PPM1L: variants seen among roughly 807,000 people sequenced by gnomAD.
The protein encoded by PPM1L is protein phosphatase 1L.
PPM1L carries 13 observed loss-of-function variants against 31.4 expected under a neutral mutation model. That is an observed-to-expected ratio of 0.41 (90% CI 0.27 to 0.66). PPM1L has a LOEUF of 0.66. PPM1L is among the 30% of genes least tolerant of loss of function. PPM1L has a pLI of 0.29. For missense variants in PPM1L, 326 were observed against 453.7 expected (o/e 0.72, Z 2.56); for synonymous variants, 184 against 175.4 (o/e 1.05, Z -0.39).
intron 2 of PPM1L, among the ~76,000 whole-genome samples, chr3:160,965,599 A>G (rs1448917678): frequency 6.6e-6 from 1 of 152,156 alleles, no homozygotes; most frequent in Non-Finnish European, 1.5e-5. Context: ...GGTGTATTAA[A>G]TGAATTTTCA....
intron 2 of PPM1L, among the ~76,000 whole-genome samples, chr3:160,997,385 CAAA>C (rs1717356460): frequency 2.0e-5 from 3 of 152,068 alleles, no homozygotes; most frequent in Non-Finnish European, 4.4e-5. Flanking sequence ...AAGATATCCC[CAAA>C]TATGATATCT....
intron 1 of PPM1L, among the ~76,000 whole-genome samples, chr3:160,825,262 A>T (rs1022027455): frequency 1.3e-5 from 2 of 152,174 alleles, no homozygotes; most frequent in Non-Finnish European, 2.9e-5. Context: ...CCTAAAATAG[A>T]ACCGTAAGGT....
At chr3:160,985,720 A>T (rs1280849691) in intron 2 of PPM1L, among the ~76,000 whole-genome samples, 1 of 147,462 alleles carries the variant, frequency 6.8e-6, no homozygotes, top group East Asian at 2.1e-4. Flanking sequence ...TTGAATAAAT[A>T]TCATCATGTA....
intron 1 of PPM1L, among the ~76,000 whole-genome samples, chr3:160,771,036 G>A (rs2108060789): frequency 6.6e-6 from 1 of 152,164 alleles, no homozygotes; most frequent in African/African-American, 2.4e-5. Flanking sequence ...ACTGTGTAGA[G>A]TAATATGTAA....
Position 160,813,463 on chromosome 3 carries a change from C to T in PPM1L, c.399+56756C>T, listed in dbSNP as rs543862854. 1.8e-3 allele frequency among the ~76,000 whole-genome samples: 272 copies of T among 152,274 alleles called. 4 individuals are homozygous for T. In the South Asian group the frequency reaches 0.02, roughly 11 times the overall value. On this transcript the variant is annotated intron_variant, in intron 1 of 3. Coordinates refer to ENST00000498165, the MANE Select transcript of PPM1L (RefSeq NM_139245.4). ...GAAGTGATTCTTGTTCCTCAGCCTC[C>T]TGAGTAGCTGGGACTACAGGTGCGT...
At chr3:160,935,084 G>T (rs75972119) in intron 1 of PPM1L, among the ~76,000 whole-genome samples, 2,294 of 152,174 alleles carry the variant, frequency 0.015, 61 homozygotes, top group African/African-American at 0.052. Flanking sequence ...AACCCTGAAG[G>T]TAAGTCACAA....
chr3:160,976,865 G>A (rs533052914), intron 2 of PPM1L, among the ~76,000 whole-genome samples: 1 of 152,118 alleles, frequency 6.6e-6, no homozygotes, highest in African/African-American at 2.4e-5. Context: ...TTTTGTGTCT[G>A]TATTTCCTTC....
rs1343897514 is a variant in PPM1L, at chr3:161,077,556, A to G, written c.*8399A>G. On this transcript the variant is annotated 3_prime_UTR_variant, in exon 4 of 4. Coordinates refer to ENST00000498165, the MANE Select transcript of PPM1L (RefSeq NM_139245.4). ...CTATTTTTATTTTTGTTCCCAAGAG[A>G]CTAGTGTAATAACCTTATGCCCCCA... is the stretch of plus-strand genomic sequence containing the variant. 2.0e-5 allele frequency: 3 copies of G among 152,216 alleles called. No homozygotes were observed. Among genetic ancestry groups the G allele is most frequent in the African/African-American group, 7.2e-5 (3 of 41,452 alleles). The allele number at this position is 152,216 out of a possible 1,614,324, so 9.4% of individuals were successfully genotyped here.
At chr3:161,022,148 C>A in intron 2 of PPM1L, 1 of 656,644 alleles carries the variant, frequency 1.5e-6, no homozygotes, top group Non-Finnish European at 2.7e-6. Flanking sequence ...TTTTTTTTTA[C>A]CCTTAGTTAC....
At chr3:160,848,894 C>T (rs1420387812) in intron 1 of PPM1L, among the ~76,000 whole-genome samples, 1 of 152,224 alleles carries the variant, frequency 6.6e-6, no homozygotes, top group East Asian at 1.9e-4. Flanking sequence ...TAGGATCCTT[C>T]TTCTTTACTT....
At chr3:160,842,537 C>T (rs9824439) in intron 1 of PPM1L, among the ~76,000 whole-genome samples, 58,843 of 151,944 alleles carry the variant, frequency 0.39, 12,271 homozygotes, top group East Asian at 0.6. Flanking sequence ...GCTCTGAACC[C>T]AAGTGCCTTA....
chr3:160,827,880 G>C lies in PPM1L; in HGVS notation c.399+71173G>C, dbSNP rs146845302. Among the ~76,000 whole-genome samples, 638 of 152,168 alleles carry C rather than the reference G, an allele frequency of 4.2e-3. 5 individuals carry two copies. Among genetic ancestry groups the C allele is most frequent in the African/African-American group, 0.015 (605 of 41,512 alleles). Reference sequence around the variant, plus strand: ...TGGCACTGCATCTGCTTGGCTTCTAGGGAGGCCTCATGGAACTTTTACTCA... The same window carrying C: ...TGGCACTGCATCTGCTTGGCTTCTACGGAGGCCTCATGGAACTTTTACTCA... On this transcript the variant is annotated intron_variant, in intron 1 of 3. Transcript: ENST00000498165.
chr3:160,870,832 G>A (rs988186108), intron 1 of PPM1L, among the ~76,000 whole-genome samples: 6 of 152,176 alleles, frequency 3.9e-5, no homozygotes, highest in African/African-American at 1.4e-4. Context: ...TGAAATAAAT[G>A]TTGTAGAGTG....
At chr3:161,062,277 T>TTA (rs1488704075) in intron 2 of PPM1L, among the ~76,000 whole-genome samples, 1 of 152,112 alleles carries the variant, frequency 6.6e-6, no homozygotes, top group Non-Finnish European at 1.5e-5. Context: ...TTCTCCTCAG[T>TTA]TTCTATGAGT....
At chr3:160,808,410 T>A (rs141433654) in intron 1 of PPM1L, among the ~76,000 whole-genome samples, 1 of 102,156 alleles carries the variant, frequency 9.8e-6, no homozygotes, top group South Asian at 3.0e-4. Context: ...TGTGTGTGTG[T>A]GTGTGTGTGT....
At chr3:160,951,491 G>A (rs13097130) in intron 1 of PPM1L, among the ~76,000 whole-genome samples, 54,786 of 152,002 alleles carry the variant, frequency 0.36, 12,638 homozygotes, top group Non-Finnish European at 0.52. Context: ...TGATAATTTG[G>A]CAAAATTATA....
chr3:161,057,370 G>C (rs1268494169), intron 2 of PPM1L, among the ~76,000 whole-genome samples: 1 of 152,078 alleles, frequency 6.6e-6, no homozygotes, highest in African/African-American at 2.4e-5. Context: ...CTCCCTGCCT[G>C]ATCTGATGAG....
intron 2 of PPM1L, among the ~76,000 whole-genome samples, chr3:161,020,310 C>T (rs965766481): frequency 2.0e-5 from 3 of 152,064 alleles, no homozygotes; most frequent in African/African-American, 4.8e-5. Context: ...CCTGTTTCCT[C>T]CCTTTAAACT....
chr3:160,963,620 C>A (rs184237088), intron 2 of PPM1L, among the ~76,000 whole-genome samples: 1 of 152,074 alleles, frequency 6.6e-6, no homozygotes, highest in Admixed American at 6.6e-5. Context: ...TTATTTTAAA[C>A]CTTGAAGGAC....
Sources: allele counts gnomAD v4.1 joint callset (sites outside exome capture counted in the v4.1 genomes callset), GRCh38; gene constraint gnomAD v4.1.1; transcripts MANE v1.5; gene names NCBI Gene and HGNC (gene_info 2026-07-23, HGNC 2026-07-21).